PRIM2: variants seen among roughly 807,000 people sequenced by gnomAD.
PRIM2 encodes DNA primase subunit 2, also known as DNA primase large subunit.
In PRIM2, 39 loss-of-function variants were observed where a neutral mutation model predicts 67.3. The observed-to-expected ratio is 0.58, with a 90% CI of 0.45 to 0.76. The LOEUF is 0.76. Among genes scored for constraint, PRIM2 ranks in the 30% least tolerant of loss-of-function variants. The pLI is 0.00. For synonymous variants in PRIM2, 143 were observed against 198.7 expected (o/e 0.72, Z 2.36); for missense variants, 398 against 598.7 (o/e 0.66, Z 3.50).
intron 7 of PRIM2, among the ~76,000 whole-genome samples, chr6:57,479,657 A>G: frequency 6.6e-6 from 1 of 152,336 alleles, no homozygotes; most frequent in South Asian, 2.1e-4. Context: ...TGTGGCCTTT[A>G]AAGAACATTC....
intron 13 of PRIM2, among the ~76,000 whole-genome samples, chr6:57,637,368 T>A (rs1777139753): frequency 6.6e-6 from 1 of 151,972 alleles, no homozygotes; most frequent in South Asian, 2.1e-4. Context: ...GGATCACAAC[T>A]CCTCACCAGC....
At chr6:57,400,687 A>G in intron 7 of PRIM2, among the ~76,000 whole-genome samples, 1 of 152,172 alleles carries the variant, frequency 6.6e-6, no homozygotes, top group East Asian at 1.9e-4. Context: ...ATATTCTGAA[A>G]TATGTTTTCC....
At chr6:57,520,238 T>A (rs1370668095) in intron 8 of PRIM2, among the ~76,000 whole-genome samples, 1 of 152,210 alleles carries the variant, frequency 6.6e-6, no homozygotes, top group Non-Finnish European at 1.5e-5. Flanking sequence ...TAGAATGCCA[T>A]AAATGTGTAA....
rs566777049 is a variant in PRIM2, at chr6:57,380,522, C to T, written c.555+526C>T. Among the ~76,000 whole-genome samples, 11 of 152,262 alleles carry T rather than the reference C, an allele frequency of 7.2e-5. 1 individual carries two copies. The highest frequency in any genetic ancestry group is 5.9e-4 in the Admixed American group (9 of 15,294). ...CCTGTGCTTGGCCACCTCAGTTTCC[C>T]CTCCCCACTCAGTTCAGATAACTAC... On this transcript the variant is annotated intron_variant, in intron 6 of 13. Transcript: ENST00000615550.
intron 10 of PRIM2, among the ~76,000 whole-genome samples, chr6:57,564,698 A>G (rs1240310935): frequency 1.3e-5 from 2 of 152,208 alleles, no homozygotes; most frequent in Admixed American, 1.3e-4. Flanking sequence ...GTGAGAAGGT[A>G]GATAGGGAAA....
chr6:57,598,376 G>A (rs1776405726), intron 10 of PRIM2, among the ~76,000 whole-genome samples: 2 of 152,240 alleles, frequency 1.3e-5, no homozygotes, highest in Admixed American at 1.3e-4. Flanking sequence ...TAGAAACTTG[G>A]TTTTAGTTTT....
chr6:57,468,461 G>A (rs1359145232), intron 7 of PRIM2, among the ~76,000 whole-genome samples: 2 of 152,144 alleles, frequency 1.3e-5, no homozygotes, highest in African/African-American at 4.8e-5. Context: ...AACCAGCCTT[G>A]CATCCCAGGG....
the PRIM2 span, among the ~76,000 whole-genome samples, chr6:57,293,092 C>G: frequency 6.6e-6 from 1 of 151,796 alleles, no homozygotes; most frequent in Admixed American, 6.6e-5. Context: ...TCTACCCATC[C>G]GACAAAGGGC....
At chr6:57,500,961 C>T (rs1431521119) in intron 7 of PRIM2, among the ~76,000 whole-genome samples, 2 of 152,212 alleles carry the variant, frequency 1.3e-5, no homozygotes, top group African/African-American at 4.8e-5. Flanking sequence ...TGCTTCAGAA[C>T]TTTCTTGGAT....
intron 10 of PRIM2, among the ~76,000 whole-genome samples, chr6:57,561,740 A>T (rs1775636395): frequency 6.6e-6 from 1 of 152,096 alleles, no homozygotes; most frequent in Non-Finnish European, 1.5e-5. Context: ...CTGGAGAATC[A>T]CTTTTGATTT....
the PRIM2 span, among the ~76,000 whole-genome samples, chr6:57,300,566 A>C: frequency 6.6e-6 from 1 of 152,110 alleles, no homozygotes; most frequent in Non-Finnish European, 1.5e-5. Flanking sequence ...GTTTGAACTC[A>C]ATCTTCCCAT....
At chr6:57,267,314 A>C in the PRIM2 span, among the ~76,000 whole-genome samples, 2 of 152,142 alleles carry the variant, frequency 1.3e-5, no homozygotes, top group Admixed American at 1.3e-4. Flanking sequence ...AAAGTAGTTT[A>C]CTTGGGAGGT....
intron 5 of PRIM2, among the ~76,000 whole-genome samples, chr6:57,337,368 C>T (rs1286342509): frequency 4.6e-5 from 7 of 152,110 alleles, no homozygotes; most frequent in East Asian, 3.9e-4. Context: ...ACCTAATAGA[C>T]ATCTACAGAA....
Position 57,380,392 on chromosome 6 carries a change from G to A in PRIM2, c.555+396G>A, listed in dbSNP as rs1193274494. 3.9e-5 allele frequency among the ~76,000 whole-genome samples: 6 copies of A among 152,124 alleles called. No individual in the cohort carries two copies. In the East Asian group the frequency reaches 1.2e-3, roughly 29 times the overall value. ...GCTTCTCTTGACCTCTGACATCGTG[G>A]TGTCTTGCCTCATGGTCTCTCTGTG... On this transcript the variant is annotated intron_variant, in intron 6 of 13. Transcript: ENST00000615550.
chr6:57,642,407 C>T (rs1354416710), intron 13 of PRIM2, among the ~76,000 whole-genome samples: 3 of 144,162 alleles, frequency 2.1e-5, no homozygotes, highest in African/African-American at 5.1e-5. Flanking sequence ...GATTCATTAA[C>T]GATATGCACA....
chr6:57,618,295 G>A (rs1268671401), intron 12 of PRIM2, among the ~76,000 whole-genome samples: 5 of 152,284 alleles, frequency 3.3e-5, no homozygotes, highest in South Asian at 2.1e-4. Context: ...ACTTTGATAC[G>A]GATTGCATTG....
chr6:57,565,109 T>C (rs1401315792), intron 10 of PRIM2, among the ~76,000 whole-genome samples: 1 of 152,196 alleles, frequency 6.6e-6, no homozygotes, highest in Non-Finnish European at 1.5e-5. Flanking sequence ...TTAGCTACTT[T>C]TATATACTTT....
chr6:57,554,059 T>A (rs1775459424), intron 10 of PRIM2, among the ~76,000 whole-genome samples: 1 of 152,194 alleles, frequency 6.6e-6, no homozygotes, highest in African/African-American at 2.4e-5. Flanking sequence ...GTTTTACGTA[T>A]TTTAATCATT....
In PRIM2 at chr6:57,348,861, C is replaced by T. The variant is rs116612906; in HGVS notation, c.459+22816C>T. Among the ~76,000 whole-genome samples the T allele has an allele frequency of 4.5e-3, 672 of 150,776 alleles. 7 individuals are homozygous for T. The highest frequency in any genetic ancestry group is 0.016 in the African/African-American group (637 of 41,052). On this transcript the variant is annotated intron_variant, in intron 5 of 13. Transcript: ENST00000615550. ...CTCCCGGGTTCAAGCTATTATCTGC[C>T]TCAGTCTCCCAAGTAGCTGGGACTA...
Sources: gnomAD v4.1 joint callset for allele counts (sites outside exome capture counted in the v4.1 genomes callset) on GRCh38, gnomAD v4.1.1 for gene constraint, MANE v1.5 for transcripts, NCBI Gene and HGNC (gene_info 2026-07-23, HGNC 2026-07-21) for gene names.